Variants in FAH observed in about 807,000 individuals in gnomAD.
FAH encodes the protein fumarylacetoacetate hydrolase, also known as fumarylacetoacetase.
FAH carries 47 observed loss-of-function variants against 55.8 expected under a neutral mutation model. That is an observed-to-expected ratio of 0.84 (90% CI 0.67 to 1.07). The LOEUF (loss-of-function observed/expected upper bound fraction) is 1.07, where lower values mean the gene tolerates loss of function less well. Ranked by LOEUF, FAH falls within the 50% of genes least tolerant of loss-of-function variation. The pLI, the probability that FAH is intolerant of heterozygous loss-of-function variation, is 0.00. For missense variants in FAH, 495 were observed against 545.9 expected, an observed-to-expected ratio of 0.91 and a Z score of 0.93; for synonymous variants, 199 against 207.7, an observed-to-expected ratio of 0.96 and a Z score of 0.36.
At position 80,162,322 on chromosome 15, in the gene FAH, G is replaced by A. The variant is rs141863249; in HGVS notation, c.441G>A (p.Ala147=). The part of the protein sequence containing the change: ...VGIMFRDKEN[A]LMPNWLHLPV... ...TCATGTTCAGGGACAAGGAGAATGC[G>A]TTGATGCCAAATTGGTATGAACTGG... Residue 147 remains alanine, a synonymous_variant, in exon 5 of 14, where the codon GCG becomes GCA. Transcript: ENST00000561421. The A allele has an allele frequency of 2.9e-5, 47 of 1,613,932 alleles. No individual in the cohort carries two copies. Among genetic ancestry groups the A allele is most frequent in the Non-Finnish European group, 3.6e-5 (43 of 1,179,752 alleles).
rs1289752985 is a variant in FAH, at chr15:80,173,040, G to A, written c.733G>A (p.Val245Ile). 1 of 1,614,268 alleles carries A rather than the reference G, an allele frequency of 6.2e-7. No individual in the cohort carries two copies. The highest frequency in any genetic ancestry group is 1.1e-5 in the South Asian group (1 of 91,086). The stretch of plus-strand genomic sequence containing the variant: ...ACGAGACATTCAGAAGTGGGAGTAT[G>A]TCCCTCTCGGGCCATTCCTTGGGAA... ...SARDIQKWEY[V>I]PLGPFLGKSF... is the part of the protein sequence containing the mutation. Residue 245 changes from valine (V) to isoleucine (I), a missense_variant, in exon 9 of 14, where the codon GTC becomes ATC. Physicochemically the swap from Val to Ile is conservative, Grantham distance 29. Transcript: ENST00000561421.
At chr15:80,154,243 T>G (rs2041079387) in intron 1 of FAH, among the ~76,000 whole-genome samples, 1 of 152,192 alleles carries the variant, frequency 6.6e-6, no homozygotes, top group Admixed American at 6.5e-5. Context: ...TCTGCCCTCC[T>G]CAAACACTTT....
intron 5 of FAH, chr15:80,167,229 A>C (rs1486205750): frequency 1.3e-5 from 2 of 152,190 alleles, no homozygotes; most frequent in African/African-American, 4.8e-5. Flanking sequence ...GGAGGCCATA[A>C]ATCTGCAATC....
chr15:80,180,736 A>G (rs562808666), intron 12 of FAH, among the ~76,000 whole-genome samples: 1 of 152,256 alleles, frequency 6.6e-6, no homozygotes, highest in East Asian at 1.9e-4. Flanking sequence ...TATCTGGGCA[A>G]ACTGCAGCCT....
chr15:80,174,482 G>A (rs545357645), intron 9 of FAH, among the ~76,000 whole-genome samples: 6 of 152,248 alleles, frequency 3.9e-5, no homozygotes, highest in Admixed American at 3.3e-4. Flanking sequence ...CACCAAAAAC[G>A]ATCTCATGTC....
chr15:80,170,324 T>C (rs924756663), intron 7 of FAH, among the ~76,000 whole-genome samples: 11 of 152,144 alleles, frequency 7.2e-5, no homozygotes, highest in African/African-American at 2.7e-4. Flanking sequence ...GAAGCTGTCA[T>C]GGGGCCACCG....
chr15:80,178,730 C>T (rs1406776491), intron 11 of FAH, among the ~76,000 whole-genome samples: 1 of 151,864 alleles, frequency 6.6e-6, no homozygotes, highest in Non-Finnish European at 1.5e-5. Context: ...ACTACAGGTG[C>T]CCGCCACCAC....
At chr15:80,161,271 G>GT (rs1185001944) in intron 4 of FAH, among the ~76,000 whole-genome samples, 4,071 of 138,158 alleles carry the variant, frequency 0.029, 167 homozygotes, top group African/African-American at 0.087. Flanking sequence ...GCCCTTTCTT[G>GT]TTTTTTTTTT....
intron 4 of FAH, 154 bp downstream of exon 4, chr15:80,160,613 T>G: frequency 1.3e-6 from 1 of 744,094 alleles, no homozygotes; most frequent in South Asian, 1.5e-5. Flanking sequence ...TCCTCATCAC[T>G]GACCTTTCCC....
At chr15:80,182,045 G>A (rs745410163) in intron 13 of FAH, among the ~76,000 whole-genome samples, 8 of 152,214 alleles carry the variant, frequency 5.3e-5, no homozygotes, top group Middle Eastern at 3.4e-3. Context: ...CAAAATCCTC[G>A]TGTTGGCAGT....
At chr15:80,156,429 A>G (rs946222726) in intron 1 of FAH, 4 of 152,304 alleles carry the variant, frequency 2.6e-5, no homozygotes, top group African/African-American at 9.6e-5. Flanking sequence ...TTATGCCTTC[A>G]GTCTCTTGCC....
At chr15:80,162,468 C>G (rs1232157446) in intron 5 of FAH, 132 bp downstream of exon 5, 1 of 799,280 alleles carries the variant, frequency 1.3e-6, no homozygotes, top group African/African-American at 1.7e-5. Context: ...ATGTTGCAAC[C>G]TCTGGAAGCA....
chr15:80,183,006 G>A (rs748951919), intron 13 of FAH, among the ~76,000 whole-genome samples: 2 of 152,210 alleles, frequency 1.3e-5, no homozygotes, highest in Non-Finnish European at 2.9e-5. Flanking sequence ...GGAGAAAGGA[G>A]GCTGGTATCT....
chr15:80,177,775 C>A (rs1037287751), intron 11 of FAH, among the ~76,000 whole-genome samples, 192 bp downstream of exon 11: 2 of 152,162 alleles, frequency 1.3e-5, no homozygotes, highest in Admixed American at 1.3e-4. Context: ...ATAGAGGCTG[C>A]ATAAATGTGG....
intron 1 of FAH, among the ~76,000 whole-genome samples, chr15:80,153,562 G>A (rs1046205570): frequency 1.3e-5 from 2 of 152,184 alleles, no homozygotes; most frequent in African/African-American, 4.8e-5. Context: ...TAGAACCCGG[G>A]AAATGATAAC....
chr15:80,181,750 T>C (rs905542701), intron 13 of FAH, among the ~76,000 whole-genome samples: 1 of 151,524 alleles, frequency 6.6e-6, no homozygotes, highest in Non-Finnish European at 1.5e-5. Context: ...TCTTTAATTA[T>C]TTTTTTTGTT....
chr15:80,161,043 C>T (rs2041144498), intron 4 of FAH, among the ~76,000 whole-genome samples: 1 of 152,194 alleles, frequency 6.6e-6, no homozygotes, highest in Non-Finnish European at 1.5e-5. Context: ...CTCTCTGGAA[C>T]AGCTCCTGCT....
chr15:80,174,788 C>A (rs1263175325), intron 9 of FAH, among the ~76,000 whole-genome samples: 1 of 152,110 alleles, frequency 6.6e-6, no homozygotes, highest in Non-Finnish European at 1.5e-5. Context: ...GACCTTTGAC[C>A]TGCTGATGCC....
chr15:80,153,204 AG>A, intron 1 of FAH, 69 bp downstream of exon 1: 3 of 1,217,206 alleles, frequency 2.5e-6, no homozygotes, highest in Non-Finnish European at 3.6e-6. Context: ...AGTGGAGTGG[AG>A]TGGAGTGGAA....
Sources: allele counts gnomAD v4.1 joint callset (sites outside exome capture counted in the v4.1 genomes callset), GRCh38; gene constraint gnomAD v4.1.1; transcripts MANE v1.5; gene names NCBI Gene and HGNC (gene_info 2026-07-23, HGNC 2026-07-21).